The following CNTNAP5 variants were observed in gnomAD, a reference collection of about 807,000 sequenced individuals.
CNTNAP5 encodes contactin associated protein family member 5.
CNTNAP5 carries 72 observed loss-of-function variants against 150.2 expected under a neutral mutation model. That is an observed-to-expected ratio of 0.48 (90% CI 0.40 to 0.58). The LOEUF (loss-of-function observed/expected upper bound fraction) is 0.58, where lower values mean the gene tolerates loss of function less well. CNTNAP5 is among the 20% of genes least tolerant of loss of function. CNTNAP5 has a pLI of 0.00. For synonymous variants in CNTNAP5, 672 were observed against 619.8 expected (o/e 1.08, Z -1.25); for missense variants, 1,636 against 1,626.2 (o/e 1.01, Z -0.10).
chr2:124,628,932 G>A (rs113587432), intron 12 of CNTNAP5, among the ~76,000 whole-genome samples: 2 of 152,230 alleles, frequency 1.3e-5, no homozygotes, highest in African/African-American at 4.8e-5. Flanking sequence ...TGACAAAATA[G>A]ACTTTAAGCC....
At chr2:124,209,251 G>T (rs201769632) in intron 1 of CNTNAP5, among the ~76,000 whole-genome samples, 1 of 152,082 alleles carries the variant, frequency 6.6e-6, no homozygotes, top group African/African-American at 2.4e-5. Context: ...AAATGAGAGG[G>T]TGTTGGAGGC....
chr2:124,585,512 AG>A (rs1290751154), intron 11 of CNTNAP5, among the ~76,000 whole-genome samples: 1 of 152,154 alleles, frequency 6.6e-6, no homozygotes, highest in Non-Finnish European at 1.5e-5. Flanking sequence ...CCTAGGAGAC[AG>A]GATCTGTTCA....
At chr2:124,589,616 A>G (rs765846589) in intron 11 of CNTNAP5, among the ~76,000 whole-genome samples, 1 of 152,132 alleles carries the variant, frequency 6.6e-6, no homozygotes, top group Admixed American at 6.6e-5. Flanking sequence ...ACTTTGAACA[A>G]AAAAAAGCAC....
chr2:124,066,414 C>T (rs1333870921), intron 1 of CNTNAP5, among the ~76,000 whole-genome samples: 3 of 152,014 alleles, frequency 2.0e-5, no homozygotes, highest in Non-Finnish European at 4.4e-5. Flanking sequence ...GTTTTTTCCC[C>T]TCTGAAACTG....
Position 124,242,393 on chromosome 2 carries a change from G to C in CNTNAP5, c.381G>C (p.Trp127Cys). 1.2e-6 allele frequency: 2 copies of C among 1,611,778 alleles called. No individual in the cohort carries two copies. The highest frequency in any genetic ancestry group is 2.2e-5 in the South Asian group (2 of 90,756). ...WKQYKQEDSI[W>C]TFAGNMNADS... ...AGTACAAACAAGAAGACAGCATCTG[G>C]GTAGGACATCTTTTTCCTTCCAATG... Residue 127 changes from tryptophan (W) to cysteine (C), a missense_variant and splice_region_variant, in exon 3 of 24, where the codon TGG becomes TGC. Physicochemically the swap from Trp to Cys is radical, Grantham distance 215. Coordinates refer to ENST00000682447, the MANE Select transcript of CNTNAP5 (RefSeq NM_001367498.1).
intron 3 of CNTNAP5, among the ~76,000 whole-genome samples, chr2:124,389,125 C>T (rs1295368346): frequency 6.6e-6 from 1 of 152,026 alleles, no homozygotes; most frequent in Non-Finnish European, 1.5e-5. Context: ...AAGAGCTGAC[C>T]CAAACAAACA....
At chr2:124,706,916 G>GAGAAGAAGAAGAAGAAGAAGAAGA (rs796272013) in intron 13 of CNTNAP5, among the ~76,000 whole-genome samples, 2 of 30,006 alleles carry the variant, frequency 6.7e-5, no homozygotes, top group African/African-American at 2.6e-4. Flanking sequence ...GGAGGAGGAG[G>GAGAAGAAGAAGAAGAAGAAGAAGA]AGAAGAAGAA....
intron 2 of CNTNAP5, among the ~76,000 whole-genome samples, 161 bp downstream of exon 2, chr2:124,221,970 C>T (rs955281333): frequency 3.9e-5 from 6 of 152,204 alleles, no homozygotes; most frequent in Non-Finnish European, 7.4e-5. Flanking sequence ...AAGCATACTT[C>T]CATAGCATAA....
chr2:124,372,174 C>T (rs1358108613), intron 3 of CNTNAP5, among the ~76,000 whole-genome samples: 1 of 152,036 alleles, frequency 6.6e-6, no homozygotes, highest in East Asian at 1.9e-4. Context: ...TCATCTCCTG[C>T]CCTTGGACAT....
chr2:124,284,285 A>G (rs191020903), intron 3 of CNTNAP5, among the ~76,000 whole-genome samples: 2 of 152,302 alleles, frequency 1.3e-5, no homozygotes, highest in Admixed American at 6.5e-5. Context: ...CTTTTTCCAC[A>G]AGGCTACTGC....
intron 6 of CNTNAP5, among the ~76,000 whole-genome samples, chr2:124,463,506 G>A (rs773687632): frequency 3.3e-5 from 5 of 152,256 alleles, no homozygotes; most frequent in African/African-American, 4.8e-5. Context: ...CAGAAAATAC[G>A]AGGAGCTGAT....
At chr2:124,667,151 C>T (rs1195232989) in intron 13 of CNTNAP5, among the ~76,000 whole-genome samples, 1 of 152,184 alleles carries the variant, frequency 6.6e-6, no homozygotes, top group Non-Finnish European at 1.5e-5. Flanking sequence ...ACAGATTGCC[C>T]CAGGGCAGTT....
At chr2:124,724,829 C>T (rs1680122456) in intron 13 of CNTNAP5, among the ~76,000 whole-genome samples, 1 of 150,198 alleles carries the variant, frequency 6.7e-6, no homozygotes, top group Admixed American at 6.7e-5. Flanking sequence ...TTAGTCTTTA[C>T]ATTAAGCCAG....
chr2:124,698,812 C>A (rs1265955669), intron 13 of CNTNAP5, among the ~76,000 whole-genome samples: 1 of 152,130 alleles, frequency 6.6e-6, no homozygotes, highest in Non-Finnish European at 1.5e-5. Flanking sequence ...TGAGGATTTC[C>A]CACCCCCTAG....
At chr2:124,339,601 A>C (rs1689559695) in intron 3 of CNTNAP5, among the ~76,000 whole-genome samples, 1 of 152,202 alleles carries the variant, frequency 6.6e-6, no homozygotes, top group African/African-American at 2.4e-5. Context: ...TTTAACATAC[A>C]AATATGTGTA....
At chr2:124,154,391 G>A (rs959969937) in intron 1 of CNTNAP5, among the ~76,000 whole-genome samples, 3 of 152,132 alleles carry the variant, frequency 2.0e-5, no homozygotes, top group South Asian at 2.1e-4. Context: ...GGTGCTATGA[G>A]CTGATGGGGG....
chr2:124,830,841 G>T (rs1682699028), intron 19 of CNTNAP5, among the ~76,000 whole-genome samples: 1 of 151,904 alleles, frequency 6.6e-6, no homozygotes. Flanking sequence ...TAAGCAAAAA[G>T]TTATATCTTC....
chr2:124,639,207 C>T (rs1678038876), intron 12 of CNTNAP5, among the ~76,000 whole-genome samples: 1 of 152,124 alleles, frequency 6.6e-6, no homozygotes, highest in Non-Finnish European at 1.5e-5. Context: ...ACTGAGGAAA[C>T]AGGTTGTTGT....
chr2:124,263,492 G>T (rs968865649), intron 3 of CNTNAP5, among the ~76,000 whole-genome samples: 5 of 152,024 alleles, frequency 3.3e-5, no homozygotes, highest in Non-Finnish European at 2.9e-5. Context: ...ACTTTTTGAT[G>T]GGATTGTTTT....
Sources: allele counts gnomAD v4.1 joint callset (sites outside exome capture counted in the v4.1 genomes callset), GRCh38; gene constraint gnomAD v4.1.1; transcripts MANE v1.5; gene names NCBI Gene and HGNC (gene_info 2026-07-23, HGNC 2026-07-21).